Variants in NCKAP5 observed in about 807,000 individuals in gnomAD.
NCKAP5 encodes nck-associated protein 5.
NCKAP5 carries 92 observed loss-of-function variants against 167.0 expected under a neutral mutation model. The ratio of observed to expected loss-of-function variants is 0.55; its 90% CI spans 0.47 to 0.66. The LOEUF (loss-of-function observed/expected upper bound fraction) is 0.66, where lower values mean the gene tolerates loss of function less well. Ranked by LOEUF, NCKAP5 falls within the 30% of genes least tolerant of loss-of-function variation. The probability of loss-of-function intolerance (pLI) is 0.00; values close to 1 mark genes in which losing one functional copy is unlikely to be tolerated. For missense variants in NCKAP5, 2,378 were observed against 2,315.0 expected (o/e 1.03, Z -0.56); for synonymous variants, 891 against 877.4 (o/e 1.02, Z -0.27).
At chr2:133,623,998 C>T in the NCKAP5 span, among the ~76,000 whole-genome samples, 3 of 152,100 alleles carry the variant, frequency 2.0e-5, no homozygotes, top group African/African-American at 7.2e-5. Context: ...CAGCAACCTG[C>T]ATGGAATTGG....
intron 3 of NCKAP5, among the ~76,000 whole-genome samples, chr2:133,511,521 C>T (rs1270926998): frequency 1.3e-5 from 2 of 152,222 alleles, no homozygotes; most frequent in Non-Finnish European, 2.9e-5. Context: ...CACCTCCACC[C>T]ACTCTCAAGA....
chr2:133,425,394 C>A (rs1461339677), intron 3 of NCKAP5, among the ~76,000 whole-genome samples: 1 of 152,116 alleles, frequency 6.6e-6, no homozygotes, highest in Admixed American at 6.5e-5. Context: ...GTACGTGAAA[C>A]ATCCTTGGAA....
chr2:133,013,950 C>T (rs764139496), intron 6 of NCKAP5, among the ~76,000 whole-genome samples: 7 of 152,158 alleles, frequency 4.6e-5, no homozygotes, highest in Admixed American at 6.5e-5. Flanking sequence ...CAAGCACTGC[C>T]AATTCCTTCC....
chr2:133,370,720 T>A (rs939555400), intron 3 of NCKAP5, among the ~76,000 whole-genome samples: 6 of 151,614 alleles, frequency 4.0e-5, no homozygotes, highest in South Asian at 4.2e-4. Flanking sequence ...TTTTTTTGCA[T>A]TTTTTAAAAT....
intron 3 of NCKAP5, among the ~76,000 whole-genome samples, chr2:133,512,253 A>G (rs1010148508): frequency 1.3e-5 from 2 of 152,186 alleles, no homozygotes; most frequent in African/African-American, 4.8e-5. Context: ...ATATTTTTCT[A>G]CTATTCTTCC....
chr2:133,386,675 G>A (rs986632950), intron 3 of NCKAP5, among the ~76,000 whole-genome samples: 3 of 152,146 alleles, frequency 2.0e-5, no homozygotes, highest in African/African-American at 4.8e-5. Context: ...ATTATCGTGT[G>A]GGAGTCTAAG....
At chr2:133,547,983 A>G (rs1169551164) in intron 2 of NCKAP5, among the ~76,000 whole-genome samples, 1 of 147,080 alleles carries the variant, frequency 6.8e-6, no homozygotes, top group Non-Finnish European at 1.5e-5. Flanking sequence ...ACTTTGAAAA[A>G]AATTTAGAAG....
intron 7 of NCKAP5, among the ~76,000 whole-genome samples, chr2:132,983,968 T>C (rs1245183061): frequency 1.3e-5 from 2 of 152,142 alleles, no homozygotes; most frequent in Non-Finnish European, 2.9e-5. Context: ...AAGAATATTC[T>C]ATGGAAAACT....
At chr2:132,966,711 C>A (rs1019944499) in intron 7 of NCKAP5, among the ~76,000 whole-genome samples, 2 of 152,208 alleles carry the variant, frequency 1.3e-5, no homozygotes, top group Admixed American at 6.5e-5. Flanking sequence ...ACTGTTGATT[C>A]ATTCACACTG....
intron 8 of NCKAP5, among the ~76,000 whole-genome samples, chr2:132,921,838 T>G (rs1249291456): frequency 6.6e-6 from 1 of 152,194 alleles, no homozygotes; most frequent in Non-Finnish European, 1.5e-5. Context: ...CAGGTGGGAA[T>G]GTAATGCAGG....
chr2:133,358,232 T>C (rs13406354), intron 3 of NCKAP5, among the ~76,000 whole-genome samples: 28,108 of 152,174 alleles, frequency 0.18, 2,620 homozygotes, highest in Non-Finnish European at 0.2. Flanking sequence ...GTTATCTTTA[T>C]GGTTCTAGCT....
intron 8 of NCKAP5, among the ~76,000 whole-genome samples, chr2:132,928,113 A>G (rs1696059141): frequency 6.6e-6 from 1 of 152,210 alleles, no homozygotes; most frequent in African/African-American, 2.4e-5. Flanking sequence ...TTAAGAGGTC[A>G]GACTACTTGG....
intron 3 of NCKAP5, among the ~76,000 whole-genome samples, chr2:133,436,484 C>T (rs1433170595): frequency 6.6e-6 from 1 of 152,194 alleles, no homozygotes; most frequent in African/African-American, 2.4e-5. Flanking sequence ...TCTGCCTAAA[C>T]CCTTTCAATG....
the NCKAP5 span, among the ~76,000 whole-genome samples, chr2:133,616,927 AGCAGCACATCAAGAAGGTTATCCACCAT>A: frequency 6.6e-6 from 1 of 152,258 alleles, no homozygotes; most frequent in South Asian, 2.1e-4. Flanking sequence ...AACCGAATTC[AGCAGCACATCAAGAAGGTTATCCACCAT>A]GATCAAGTGG....
At chr2:133,127,355 C>T (rs1446016792) in intron 6 of NCKAP5, among the ~76,000 whole-genome samples, 9 of 152,162 alleles carry the variant, frequency 5.9e-5, no homozygotes, top group Admixed American at 5.9e-4. Context: ...ATGTCTTTTA[C>T]TGATTTGCAT....
intron 3 of NCKAP5, among the ~76,000 whole-genome samples, chr2:133,356,414 T>C (rs1684720556): frequency 6.6e-6 from 1 of 152,138 alleles, no homozygotes. Context: ...AGAAACTATA[T>C]AAAGCATTTA....
At chr2:133,453,627 G>T (rs867521153) in intron 3 of NCKAP5, among the ~76,000 whole-genome samples, 4 of 152,146 alleles carry the variant, frequency 2.6e-5, no homozygotes, top group South Asian at 2.1e-4. Flanking sequence ...ATATATTTAT[G>T]CAAATTGTGT....
intron 3 of NCKAP5, among the ~76,000 whole-genome samples, chr2:133,388,113 G>A (rs1442433353): frequency 1.3e-5 from 2 of 152,158 alleles, no homozygotes; most frequent in African/African-American, 4.8e-5. Flanking sequence ...GAGGAAGAGA[G>A]GTGCTCTGAT....
intron 1 of NCKAP5, among the ~76,000 whole-genome samples, chr2:133,562,946 A>C (rs1474903034): frequency 1.3e-5 from 2 of 152,224 alleles, no homozygotes; most frequent in Non-Finnish European, 2.9e-5. Flanking sequence ...TTGGGAATCC[A>C]AAATTCCAAA....
Sources: allele counts gnomAD v4.1 joint callset (sites outside exome capture counted in the v4.1 genomes callset), GRCh38; gene constraint gnomAD v4.1.1; transcripts MANE v1.5; gene names NCBI Gene and HGNC (gene_info 2026-07-23, HGNC 2026-07-21).